ALOX12: variants seen among roughly 807,000 people sequenced by gnomAD.
ALOX12 encodes the protein arachidonate 12-lipoxygenase, 12S type.
In ALOX12, 62 loss-of-function variants were observed where a neutral mutation model predicts 85.5. The ratio of observed to expected loss-of-function variants is 0.73; its 90% CI spans 0.59 to 0.90. The LOEUF (loss-of-function observed/expected upper bound fraction) is 0.90, where lower values mean the gene tolerates loss of function less well. Ranked by LOEUF, ALOX12 falls within the 40% of genes least tolerant of loss-of-function variation. The pLI, the probability that ALOX12 is intolerant of heterozygous loss-of-function variation, is 0.00. For missense variants in ALOX12, 751 were observed against 856.5 expected, an observed-to-expected ratio of 0.88 and a Z score of 1.54; for synonymous variants, 299 against 332.7, an observed-to-expected ratio of 0.90 and a Z score of 1.10.
rs143046303 is a variant in ALOX12 at position 7,007,113 on chromosome 17, G to C, written c.1540+506G>C. On this transcript the variant is annotated intron_variant, in intron 11 of 13. Transcript: ENST00000251535. ...CTACAGTGCAAGGTCAGCTCTTGATGCAAGCTCAATCCTATACATGCTTTG... is the reference window on the plus strand; with the variant it reads ...CTACAGTGCAAGGTCAGCTCTTGATCCAAGCTCAATCCTATACATGCTTTG... Among the ~76,000 whole-genome samples the C allele has an allele frequency of 1.1e-3, 173 of 152,298 alleles. 1 individual carries two copies. The highest frequency in any genetic ancestry group is 4.1e-3 in the African/African-American group (169 of 41,558).
chr17:7,009,718 C>T (rs1209857264), intron 11 of ALOX12, 29 bp from the exon 12 acceptor site: 1 of 1,581,052 alleles, frequency 6.3e-7, no homozygotes, highest in Non-Finnish European at 8.7e-7. Context: ...TATGCTGTAG[C>T]TTCTAACTGC....
At chr17:6,999,187 G>T in intron 5 of ALOX12, 119 bp from the exon 6 acceptor site, 6 of 1,500,664 alleles carry the variant, frequency 4.0e-6, no homozygotes, top group South Asian at 2.4e-5. Flanking sequence ...GAGGCCTTGA[G>T]AATGAAAACG....
Position 7,009,966 on chromosome 17 carries a change from A to G in ALOX12, c.1652A>G (p.Tyr551Cys). 3 of 1,613,986 alleles carry G rather than the reference A, an allele frequency of 1.9e-6. No individual in the cohort carries two copies. The highest frequency in any genetic ancestry group is 1.7e-4 in the Middle Eastern group (1 of 6,060). The change falls in exon 13 of 14, where the codon TAT becomes TGT. Residue 551 changes from tyrosine to cysteine, a missense_variant. Transcript: ENST00000251535. ...AGTTTCTTCCTCCAGCTGGACTGGT[A>G]TGCCTGGGTCCCTAATGCTCCATGC... is the stretch of plus-strand genomic sequence containing the variant. ...AAINQGQLDWYAWVPNAPCTM... is the reference protein window; with the variant it reads ...AAINQGQLDWCAWVPNAPCTM...
intron 9 of ALOX12, 60 bp from the exon 10 acceptor site, chr17:7,005,798 A>C (rs1909013329): frequency 2.6e-6 from 4 of 1,558,222 alleles, no homozygotes; most frequent in Admixed American, 1.7e-5. Context: ...CACTTTATGG[A>C]AGATGTGTTG....
intron 11 of ALOX12, among the ~76,000 whole-genome samples, chr17:7,007,267 T>G (rs577605249): frequency 2.0e-4 from 31 of 152,252 alleles, no homozygotes; most frequent in Admixed American, 3.3e-4. Flanking sequence ...CTCCCCACAT[T>G]TGAACCTCTG....
intron 11 of ALOX12, among the ~76,000 whole-genome samples, chr17:7,007,182 T>C (rs1488712482): frequency 2.0e-5 from 3 of 152,204 alleles, no homozygotes; most frequent in Non-Finnish European, 4.4e-5. Context: ...GGCTCAGGTT[T>C]CTTTGGCTAA....
chr17:7,005,884 T>G lies in ALOX12; in HGVS notation c.1275T>G (p.His425Gln). ...DKAVSTGGGG[H>Q]VQLLRRAAAQ... ...CAGTGAGCACAGGTGGAGGGGGCCA[T>G]GTACAGTTGCTCCGTCGGGCGGCAG... Residue 425 changes from histidine (H) to glutamine (Q), a missense_variant, in exon 10 of 14, where the codon CAT (histidine) becomes CAG (glutamine). Physicochemically the swap from His to Gln is conservative, Grantham distance 24. Transcript: ENST00000251535. 1 of 1,612,588 alleles carries G rather than the reference T, an allele frequency of 6.2e-7. No individual in the cohort carries two copies. Among genetic ancestry groups the G allele is most frequent in the South Asian group, 1.1e-5 (1 of 91,042 alleles).
chr17:6,998,851 T>C lies in ALOX12; in HGVS notation c.542+14T>C, dbSNP rs1908572321. 1.2e-6 allele frequency: 2 copies of C among 1,614,150 alleles called. No individual in the cohort carries two copies. Among genetic ancestry groups the C allele is most frequent in the East Asian group, 2.2e-5 (1 of 44,884 alleles). ...ACTGAAGGCAGGGTGAGAAAAAGGC[T>C]AGACCTCGGAGTGAAATAAGGGCTG... On this transcript the variant is annotated intron_variant, in intron 4 of 13. Coordinates refer to ENST00000251535, the MANE Select transcript of ALOX12 (RefSeq NM_000697.3).
At chr17:7,001,106 G>A (rs1282003879) in intron 7 of ALOX12, 1 of 163,038 alleles carries the variant, frequency 6.1e-6, no homozygotes, top group Non-Finnish European at 1.3e-5. Flanking sequence ...GCCACCATGT[G>A]GGCCTGGCTA....
chr17:7,006,698 C>G, intron 11 of ALOX12, 91 bp downstream of exon 11: 1 of 1,464,184 alleles, frequency 6.8e-7, no homozygotes, highest in Non-Finnish European at 9.1e-7. Flanking sequence ...GGACCCCAGC[C>G]TCTCATCACG....
At position 7,010,068 on chromosome 17, in the gene ALOX12, G is replaced by C; in HGVS notation, c.1754G>C (p.Arg585Pro). ...ATVMGSLPDVRQACLQMAISW... is the reference protein window; with the variant it reads ...ATVMGSLPDVPQACLQMAISW... Reference sequence around the variant, plus strand: ...GTGATGGGGTCACTACCTGATGTCCGGCAGGCCTGTCTTCAAATGGCCATC... The same window carrying C: ...GTGATGGGGTCACTACCTGATGTCCCGCAGGCCTGTCTTCAAATGGCCATC... The change falls in exon 13 of 14, where the codon CGG (arginine) becomes CCG (proline). Residue 585 changes from arginine (R) to proline (P), a missense_variant. By Grantham distance (103) the Arg-to-Pro change is moderately radical (BLOSUM62 -2). Coordinates refer to ENST00000251535, the MANE Select transcript of ALOX12 (RefSeq NM_000697.3). The C allele has an allele frequency of 1.9e-6, 3 of 1,614,142 alleles. No individual in the cohort carries two copies. The highest frequency in any genetic ancestry group is 2.5e-6 in the Non-Finnish European group (3 of 1,180,004).
In ALOX12 at chr17:7,000,822, G is replaced by A. The variant is rs1240150769; in HGVS notation, c.951+343G>A. Reference sequence around the variant, plus strand: ...TCTGGGGTGGGAACTAAGAGTTTGCGTTTTTATAAGTTCCAAAGTGATGCT... The same window carrying A: ...TCTGGGGTGGGAACTAAGAGTTTGCATTTTTATAAGTTCCAAAGTGATGCT... On this transcript the variant is annotated intron_variant, in intron 7 of 13. Transcript: ENST00000251535. The surrounding 1 kb of genome is among the most constrained non-coding windows in gnomAD (Gnocchi z 4.6). Among the ~76,000 whole-genome samples the A allele has an allele frequency of 4.6e-5, 7 of 152,268 alleles. No homozygotes were observed. Among genetic ancestry groups the A allele is most frequent in the South Asian group, 4.1e-4 (2 of 4,830 alleles).
intron 11 of ALOX12, among the ~76,000 whole-genome samples, chr17:7,007,475 T>TA (rs1483580701): frequency 3.9e-5 from 6 of 152,190 alleles, no homozygotes; most frequent in Admixed American, 6.5e-5. Flanking sequence ...CAAACCTCCT[T>TA]ACCCTGGAGG....
At chr17:6,996,376 G>A in intron 1 of ALOX12, 124 bp downstream of exon 1, 1 of 1,108,500 alleles carries the variant, frequency 9.0e-7, no homozygotes. Flanking sequence ...CTCGCGGACT[G>A]GGACTTCCAC....
chr17:6,996,168 G>C lies in ALOX12; in HGVS notation c.51G>C (p.Gly17=). 1 of 1,254,578 alleles carries C rather than the reference G, an allele frequency of 8.0e-7. No homozygotes were observed. Among genetic ancestry groups the C allele is most frequent in the East Asian group, 3.1e-5 (1 of 31,880 alleles). The allele number at this position is 1,254,578 out of a possible 1,614,324, so 77.7% of individuals were successfully genotyped here. ...RVATGAWLFS[G]SYNRVQLWLV... is the part of the protein sequence containing the mutation. Reference sequence around the variant, plus strand: ...CCACCGGGGCCTGGCTCTTCTCCGGGTCGTACAACCGCGTGCAGCTTTGGC... The same window carrying C: ...CCACCGGGGCCTGGCTCTTCTCCGGCTCGTACAACCGCGTGCAGCTTTGGC... The change falls in exon 1 of 14, where the codon GGG becomes GGC. Residue 17 remains glycine (G), a synonymous_variant. Coordinates refer to ENST00000251535, the MANE Select transcript of ALOX12 (RefSeq NM_000697.3).
At chr17:7,005,121 T>G (rs1455943986) in intron 8 of ALOX12, 136 bp from the exon 9 acceptor site, 1 of 797,698 alleles carries the variant, frequency 1.3e-6, no homozygotes, top group African/African-American at 1.7e-5. Context: ...CAAGAGTGAG[T>G]GATCAGAACA....
intron 8 of ALOX12, among the ~76,000 whole-genome samples, chr17:7,003,047 G>A (rs375412459): frequency 6.6e-6 from 1 of 152,116 alleles, no homozygotes; most frequent in African/African-American, 2.4e-5. Flanking sequence ...AGACCAGTCT[G>A]ATGAATGGAA....
chr17:7,009,671 G>A (rs1281452136), intron 11 of ALOX12, 76 bp from the exon 12 acceptor site: 15 of 1,198,144 alleles, frequency 1.3e-5, no homozygotes, highest in Non-Finnish European at 1.2e-6. Context: ...TCTAAAATAT[G>A]GGCATCCCAA....
At chr17:7,007,970 G>C (rs1909173224) in intron 11 of ALOX12, among the ~76,000 whole-genome samples, 1 of 152,196 alleles carries the variant, frequency 6.6e-6, no homozygotes, top group Non-Finnish European at 1.5e-5. Flanking sequence ...GAGGCTGAAA[G>C]TTCAAGATCA....
Sources: allele counts gnomAD v4.1 joint callset (sites outside exome capture counted in the v4.1 genomes callset), GRCh38; gene constraint gnomAD v4.1.1; non-coding constraint Gnocchi (gnomAD v3.1); transcripts MANE v1.5; gene names NCBI Gene and HGNC (gene_info 2026-07-23, HGNC 2026-07-21).